The following B3GLCT variants were observed in gnomAD, a reference collection of about 807,000 sequenced individuals.
The protein encoded by B3GLCT is beta-1,3-glucosyltransferase.
B3GLCT carries 65 observed loss-of-function variants against 63.4 expected under a neutral mutation model. The ratio of observed to expected loss-of-function variants is 1.03; its 90% CI spans 0.84 to 1.26. The LOEUF is 1.26. Ranked by LOEUF, B3GLCT falls within the 50% of genes most tolerant of loss-of-function variation. The pLI, the probability that B3GLCT is intolerant of heterozygous loss-of-function variation, is 0.00. For missense variants in B3GLCT, 577 were observed against 604.8 expected (o/e 0.95, Z 0.48); for synonymous variants, 233 against 219.2 (o/e 1.06, Z -0.55).
intron 7 of B3GLCT, among the ~76,000 whole-genome samples, chr13:31,266,875 A>T (rs1872349447): frequency 6.6e-6 from 1 of 152,128 alleles, no homozygotes; most frequent in African/African-American, 2.4e-5. Flanking sequence ...AGTTCAAGCA[A>T]TTCTCCTGCC....
chr13:31,226,412 G>A (rs909028167), intron 3 of B3GLCT, among the ~76,000 whole-genome samples: 4 of 152,150 alleles, frequency 2.6e-5, no homozygotes, highest in Non-Finnish European at 4.4e-5. Flanking sequence ...TTAAAAAGAG[G>A]ACAGATACAA....
intron 7 of B3GLCT, 91 bp from the exon 8 acceptor site, chr13:31,269,122 CT>C: frequency 1.2e-6 from 1 of 851,904 alleles, no homozygotes; most frequent in East Asian, 2.5e-5. Context: ...GTATGTTTAT[CT>C]GTTTTCAAAC....
chr13:31,252,804 A>C (rs1318383351), intron 6 of B3GLCT, among the ~76,000 whole-genome samples: 1 of 152,160 alleles, frequency 6.6e-6, no homozygotes, highest in African/African-American at 2.4e-5. Flanking sequence ...ACAGATCAAC[A>C]AGACAGAAAA....
intron 7 of B3GLCT, among the ~76,000 whole-genome samples, chr13:31,268,347 A>G (rs1387576633): frequency 6.6e-6 from 1 of 152,186 alleles, no homozygotes; most frequent in Admixed American, 6.5e-5. Context: ...CTGAGTGCTC[A>G]CTGTGGTCAG....
intron 14 of B3GLCT, among the ~76,000 whole-genome samples, chr13:31,329,088 G>C (rs1337032827): frequency 6.6e-6 from 1 of 152,176 alleles, no homozygotes; most frequent in Non-Finnish European, 1.5e-5. Context: ...GGAAATCTGA[G>C]AAATCCTTGT....
Position 31,331,050 on chromosome 13 carries a change from T to A in B3GLCT, c.*1382T>A, listed in dbSNP as rs1593328002. ...CGTGTTGCAGTGATAACACAATGCA[T>A]TGGATTCAGTTTTGTGAAAATGGAT... is the stretch of plus-strand genomic sequence containing the variant. On this transcript the variant is annotated 3_prime_UTR_variant, in exon 15 of 15. Transcript: ENST00000343307. 6.6e-6 allele frequency: 1 copy of A among 152,192 alleles called. No homozygotes were observed. The highest frequency in any genetic ancestry group is 1.5e-5 in the Non-Finnish European group (1 of 68,042). 9.4% of individuals were successfully genotyped at this position (152,192 alleles called of 1,614,324 possible).
At chr13:31,229,161 GA>G (rs753529537) in intron 3 of B3GLCT, 23 bp from the exon 4 acceptor site, 17 of 1,451,930 alleles carry the variant, frequency 1.2e-5, no homozygotes, top group Admixed American at 1.7e-5. Flanking sequence ...AGAAATACCT[GA>G]AAACTATTTT....
rs569102078 is a variant in B3GLCT at position 31,279,985 on chromosome 13, A to G, written c.850+3214A>G. 2.4e-3 allele frequency among the ~76,000 whole-genome samples: 360 copies of G among 152,298 alleles called. 2 individuals are homozygous for G. Among genetic ancestry groups the G allele is most frequent in the African/African-American group, 8.1e-3 (337 of 41,566 alleles). ...TCTGTTCTGCCCAGCCTACAGGCAG[A>G]CAGACTTTAAGGGTATCTCCCTTGT... On this transcript the variant is annotated intron_variant, in intron 10 of 14. Coordinates refer to ENST00000343307, the MANE Select transcript of B3GLCT (RefSeq NM_194318.4).
At chr13:31,208,621 C>CA (rs1049601653) in intron 1 of B3GLCT, among the ~76,000 whole-genome samples, 2 of 84,778 alleles carry the variant, frequency 2.4e-5, no homozygotes, top group Non-Finnish European at 4.5e-5. Flanking sequence ...CTTTAGTGGC[C>CA]CCCCCCCCCC....
rs571426178 is a variant in B3GLCT, at chr13:31,254,105, G to A, written c.459+6139G>A. Among the ~76,000 whole-genome samples, 4 of 152,266 alleles carry A rather than the reference G, an allele frequency of 2.6e-5. No homozygotes were observed. The South Asian group carries it at 8.3e-4, about 32-fold the overall frequency. ...CTGAATTCTACCAGAGTTACAAAGA[G>A]GAGCTGGTACCATTCCTTCTGAAAC... On this transcript the variant is annotated intron_variant, in intron 6 of 14. Transcript: ENST00000343307.
At chr13:31,214,859 T>C (rs1410225691) in intron 1 of B3GLCT, among the ~76,000 whole-genome samples, 192 bp from the exon 2 acceptor site, 1 of 152,224 alleles carries the variant, frequency 6.6e-6, no homozygotes, top group Non-Finnish European at 1.5e-5. Context: ...TGGCTTCGTG[T>C]TGATGAATAA....
intron 12 of B3GLCT, among the ~76,000 whole-genome samples, chr13:31,288,543 A>G (rs1192624777): frequency 6.6e-6 from 1 of 152,192 alleles, no homozygotes; most frequent in Admixed American, 6.5e-5. Flanking sequence ...GGGCCCAAAG[A>G]CTGACTCAGT....
At chr13:31,328,309 T>C (rs1250675843) in intron 14 of B3GLCT, among the ~76,000 whole-genome samples, 2 of 152,190 alleles carry the variant, frequency 1.3e-5, no homozygotes, top group African/African-American at 4.8e-5. Flanking sequence ...ATGCATCACA[T>C]CTAGTTTTAG....
chr13:31,215,224 T>A, intron 2 of B3GLCT, 124 bp downstream of exon 2: 1 of 1,033,158 alleles, frequency 9.7e-7, no homozygotes, highest in Non-Finnish European at 1.5e-6. Context: ...TCATATAATG[T>A]GGTCAACATG....
intron 2 of B3GLCT, 89 bp downstream of exon 2, chr13:31,215,189 A>T: frequency 7.8e-7 from 1 of 1,288,972 alleles, no homozygotes; most frequent in Admixed American, 1.9e-5. Context: ...TCATTCTTCA[A>T]TTGTTATTTT....
chr13:31,294,119 A>G (rs1249115789), intron 12 of B3GLCT, among the ~76,000 whole-genome samples: 6 of 152,204 alleles, frequency 3.9e-5, no homozygotes, highest in Admixed American at 3.9e-4. Flanking sequence ...TTCTTTAAGA[A>G]TGTTGAATAT....
intron 1 of B3GLCT, among the ~76,000 whole-genome samples, chr13:31,214,712 G>A (rs1375352235): frequency 1.3e-5 from 2 of 152,188 alleles, no homozygotes; most frequent in African/African-American, 4.8e-5. Flanking sequence ...GCTTAAGAAG[G>A]CACCAGACTT....
intron 4 of B3GLCT, among the ~76,000 whole-genome samples, chr13:31,231,056 A>G (rs1411261564): frequency 6.6e-6 from 1 of 151,890 alleles, no homozygotes; most frequent in African/African-American, 2.4e-5. Context: ...TAACTTTTGG[A>G]GGTTTTCTCC....
At chr13:31,210,882 C>G (rs1869222000) in intron 1 of B3GLCT, among the ~76,000 whole-genome samples, 1 of 152,022 alleles carries the variant, frequency 6.6e-6, no homozygotes, top group African/African-American at 2.4e-5. Context: ...GTAGCTGGGA[C>G]TACAGGTGTG....
Sources: allele counts gnomAD v4.1 joint callset (sites outside exome capture counted in the v4.1 genomes callset), GRCh38; gene constraint gnomAD v4.1.1; transcripts MANE v1.5; gene names NCBI Gene and HGNC (gene_info 2026-07-23, HGNC 2026-07-21).